Variants in BCL2L13 observed in about 807,000 individuals in gnomAD.
BCL2L13 encodes BCL2 like 13.
A neutral mutation model predicts 25.8 loss-of-function variants in BCL2L13; 13 were observed. That is an observed-to-expected ratio of 0.50 (90% CI 0.33 to 0.80). The LOEUF (loss-of-function observed/expected upper bound fraction) is 0.80, where lower values mean the gene tolerates loss of function less well. BCL2L13 is among the 30% of genes least tolerant of loss of function. The probability of loss-of-function intolerance (pLI) is 0.02; values close to 1 mark genes in which losing one functional copy is unlikely to be tolerated. For synonymous variants in BCL2L13, 244 were observed against 230.3 expected (o/e 1.06, Z -0.54); for missense variants, 504 against 574.9 (o/e 0.88, Z 1.26).
At chr22:17,719,846 A>AAGC (rs1555897106) in intron 6 of BCL2L13, among the ~76,000 whole-genome samples, 1 of 129,114 alleles carries the variant, frequency 7.7e-6, no homozygotes, top group Admixed American at 8.8e-5. Context: ...AAAAAAAAAA[A>AAGC]AAAAGAATGA....
rs563338472 is a variant in BCL2L13, at chr22:17,708,008, A to G, written c.600+5622A>G. On this transcript the variant is annotated intron_variant, in intron 6 of 6. Coordinates refer to ENST00000317582, the MANE Select transcript of BCL2L13 (RefSeq NM_015367.4). ...TTTTACTTAGGTCTACCACCAAAGT[A>G]AAGTTATGTTTGTATTTTATTTTAC... Among the ~76,000 whole-genome samples the G allele has an allele frequency of 2.0e-5, 3 of 152,354 alleles. No individual in the cohort carries two copies. In the East Asian group the frequency reaches 5.8e-4, roughly 29 times the overall value.
chr22:17,675,578 C>A (rs2587069), intron 2 of BCL2L13, among the ~76,000 whole-genome samples: 21,883 of 152,132 alleles, frequency 0.14, 2,075 homozygotes, highest in Non-Finnish European at 0.21. Flanking sequence ...GGATTGATTT[C>A]TCTTAAAAGC....
At chr22:17,704,096 CT>C (rs989289817) in intron 6 of BCL2L13, among the ~76,000 whole-genome samples, 3 of 149,716 alleles carry the variant, frequency 2.0e-5, no homozygotes, top group Admixed American at 6.7e-5. Flanking sequence ...ATTAATACTT[CT>C]TTTTTTTTTG....
At chr22:17,710,448 C>T (rs944427857) in intron 6 of BCL2L13, among the ~76,000 whole-genome samples, 39 of 151,728 alleles carry the variant, frequency 2.6e-4, no homozygotes, top group African/African-American at 9.2e-4. Flanking sequence ...GGCATGGTGG[C>T]GCACACCTGT....
intron 2 of BCL2L13, among the ~76,000 whole-genome samples, chr22:17,679,250 C>CTTGCTGTATTTAGAAAACTTAGTAGCAA (rs1568962865): frequency 6.2e-5 from 9 of 144,824 alleles, no homozygotes; most frequent in African/African-American, 2.0e-4. Flanking sequence ...CTGCATATGT[C>CTTGCTGTATTTAGAAAACTTAGTAGCAA]AATTGGTTTG....
chr22:17,713,287 A>G (rs1035177055), intron 6 of BCL2L13, among the ~76,000 whole-genome samples: 12 of 152,150 alleles, frequency 7.9e-5, no homozygotes, highest in African/African-American at 2.4e-5. Flanking sequence ...TGTACGTACT[A>G]GTTAAACACA....
intron 2 of BCL2L13, among the ~76,000 whole-genome samples, chr22:17,678,166 G>C (rs997153352): frequency 1.8e-4 from 28 of 152,248 alleles, no homozygotes; most frequent in African/African-American, 6.7e-4. Context: ...TGGACGATGG[G>C]AACATGCCAC....
At chr22:17,717,550 A>G (rs1435900553) in intron 6 of BCL2L13, among the ~76,000 whole-genome samples, 1 of 151,996 alleles carries the variant, frequency 6.6e-6, no homozygotes, top group Non-Finnish European at 1.5e-5. Flanking sequence ...TGGGCGTCCA[A>G]AAGTGCTGGG....
intron 6 of BCL2L13, among the ~76,000 whole-genome samples, chr22:17,721,395 T>C (rs2061125415): frequency 6.6e-6 from 1 of 152,132 alleles, no homozygotes; most frequent in Non-Finnish European, 1.5e-5. Flanking sequence ...TAAAAAATTT[T>C]GTTATGCTGC....
chr22:17,663,450 A>G (rs962668303), intron 2 of BCL2L13, among the ~76,000 whole-genome samples: 17 of 152,208 alleles, frequency 1.1e-4, no homozygotes, highest in Admixed American at 1.3e-4. Context: ...GTCATAAAAC[A>G]TCATGCGATA....
At chr22:17,661,942 A>C (rs1347425390) in intron 2 of BCL2L13, among the ~76,000 whole-genome samples, 2 of 151,214 alleles carry the variant, frequency 1.3e-5, no homozygotes, top group Non-Finnish European at 3.0e-5. Context: ...GGTGAGCCAA[A>C]ATTGCACCAT....
chr22:17,649,693 G>A (rs371114345), intron 1 of BCL2L13, among the ~76,000 whole-genome samples: 20 of 151,366 alleles, frequency 1.3e-4, no homozygotes, highest in South Asian at 4.2e-4. Flanking sequence ...AGTAGAGACC[G>A]GGTTTCACCA....
At chr22:17,693,196 AAAATAT>A (rs1232380901) in intron 4 of BCL2L13, among the ~76,000 whole-genome samples, 3 of 151,546 alleles carry the variant, frequency 2.0e-5, no homozygotes, top group Non-Finnish European at 4.4e-5. Flanking sequence ...TATGTAATAT[AAAATAT>A]AAATATATGA....
chr22:17,698,391 A>G (rs1334423659), intron 5 of BCL2L13, among the ~76,000 whole-genome samples: 2 of 151,962 alleles, frequency 1.3e-5, no homozygotes, highest in Non-Finnish European at 2.9e-5. Flanking sequence ...ATGGGATTAC[A>G]GGCATGAGCC....
intron 6 of BCL2L13, among the ~76,000 whole-genome samples, chr22:17,718,713 T>G (rs375305701): frequency 2.0e-5 from 3 of 152,310 alleles, no homozygotes; most frequent in East Asian, 3.9e-4. Flanking sequence ...TGAAGATTTT[T>G]AAAAATTATT....
intron 2 of BCL2L13, among the ~76,000 whole-genome samples, chr22:17,664,362 G>A (rs1482179091): frequency 1.3e-5 from 2 of 152,206 alleles, no homozygotes; most frequent in African/African-American, 4.8e-5. Flanking sequence ...CAAGAGGTGG[G>A]TTCCCATGGC....
In BCL2L13 at chr22:17,655,777, C is replaced by T. The variant is rs376288381; in HGVS notation, c.66C>T (p.Tyr22=). ...AAACAAAGTATGTTGTTCTCAGCTA[C>T]TTGGGACTCCTCTCTCAAGAGAAGC... is the stretch of plus-strand genomic sequence containing the variant. The part of the protein sequence containing the change: ...HYETKYVVLS[Y]LGLLSQEKLQ... Residue 22 remains tyrosine, a synonymous_variant, in exon 2 of 7, where the codon TAC becomes TAT. Transcript: ENST00000317582. The T allele has an allele frequency of 4.3e-6, 7 of 1,613,656 alleles. No individual in the cohort carries two copies. The highest frequency in any genetic ancestry group is 1.3e-5 in the African/African-American group (1 of 74,914).
At chr22:17,688,779 T>G (rs1038185286) in intron 3 of BCL2L13, among the ~76,000 whole-genome samples, 1 of 151,414 alleles carries the variant, frequency 6.6e-6, no homozygotes, top group South Asian at 2.1e-4. Flanking sequence ...TTTTTTTTTT[T>G]TTTTTGAGAC....
chr22:17,728,917 G>A lies in BCL2L13; in HGVS notation c.*1383G>A, dbSNP rs1484023451. 1.3e-5 allele frequency: 2 copies of A among 152,142 alleles called. No homozygotes were observed. The highest frequency in any genetic ancestry group is 2.9e-5 in the Non-Finnish European group (2 of 67,986). The allele number at this position is 152,142 out of a possible 1,614,324, so 9.4% of individuals were successfully genotyped here. A position where few individuals can be genotyped will look rare whatever the true frequency, so the allele number is the denominator to read the frequency against. On this transcript the variant is annotated 3_prime_UTR_variant, in exon 7 of 7. Coordinates refer to ENST00000317582, the MANE Select transcript of BCL2L13 (RefSeq NM_015367.4). Reference sequence around the variant, plus strand: ...CCAGCCCTAAAGGAAGGGTAGACCCGTGTCTTTCCAGCCCTAAAGGAAGGG... The same window carrying A: ...CCAGCCCTAAAGGAAGGGTAGACCCATGTCTTTCCAGCCCTAAAGGAAGGG...
Sources: allele counts gnomAD v4.1 joint callset (sites outside exome capture counted in the v4.1 genomes callset), GRCh38; gene constraint gnomAD v4.1.1; transcripts MANE v1.5; gene names NCBI Gene and HGNC (gene_info 2026-07-23, HGNC 2026-07-21).